The following KIAA0825 variants were observed in gnomAD, a reference collection of about 807,000 sequenced individuals.
KIAA0825 encodes the protein KIAA0825.
Under a neutral mutation model 147.6 loss-of-function variants are expected in KIAA0825, and 119 were observed. That is an observed-to-expected ratio of 0.81 (90% CI 0.69 to 0.94). KIAA0825 has a LOEUF of 0.94. Among genes scored for constraint, KIAA0825 ranks in the 40% least tolerant of loss-of-function variants. The probability of loss-of-function intolerance (pLI) is 0.00; values close to 1 mark genes in which losing one functional copy is unlikely to be tolerated. For synonymous variants in KIAA0825, 470 were observed against 518.1 expected, an observed-to-expected ratio of 0.91 and a Z score of 1.26; for missense variants, 1,381 against 1,472.7, an observed-to-expected ratio of 0.94 and a Z score of 1.02.
chr5:94,430,867 A>G (rs750758560), intron 14 of KIAA0825, among the ~76,000 whole-genome samples: 9 of 152,216 alleles, frequency 5.9e-5, no homozygotes, highest in Non-Finnish European at 1.3e-4. Context: ...CTCCCAAGCT[A>G]TATGCAAAGA....
At chr5:94,359,643 G>A (rs951948042) in intron 20 of KIAA0825, among the ~76,000 whole-genome samples, 1 of 152,162 alleles carries the variant, frequency 6.6e-6, no homozygotes, top group Non-Finnish European at 1.5e-5. Context: ...GCTGGACCAT[G>A]AGGCAGAGAC....
intron 20 of KIAA0825, among the ~76,000 whole-genome samples, chr5:94,349,949 G>A (rs1783456366): frequency 6.6e-6 from 1 of 152,048 alleles, no homozygotes; most frequent in Non-Finnish European, 1.5e-5. Flanking sequence ...AGAACTAAAT[G>A]AAACTGGAAC....
At chr5:94,560,882 G>A (rs1777439519) in intron 2 of KIAA0825, among the ~76,000 whole-genome samples, 1 of 152,154 alleles carries the variant, frequency 6.6e-6, no homozygotes, top group African/African-American at 2.4e-5. Context: ...ACACACATTT[G>A]GTTTTAACTC....
chr5:94,550,483 T>C lies in KIAA0825; in HGVS notation c.-1-13356A>G, dbSNP rs144756160. Reference sequence around the variant, plus strand: ...TCCATTAAATTGGAAGAGGCAACTATTACATCAGATGTGAAGAAATCAACA... The same window carrying C: ...TCCATTAAATTGGAAGAGGCAACTACTACATCAGATGTGAAGAAATCAACA... On this transcript the variant is annotated intron_variant, in intron 2 of 20. Coordinates refer to ENST00000682413, the MANE Select transcript of KIAA0825 (RefSeq NM_001145678.3). Among the ~76,000 whole-genome samples, 191 of 152,262 alleles carry C rather than the reference T, an allele frequency of 1.3e-3. 1 individual carries two copies. Among genetic ancestry groups the C allele is most frequent in the African/African-American group, 4.5e-3 (185 of 41,512 alleles).
intron 20 of KIAA0825, among the ~76,000 whole-genome samples, chr5:94,323,695 CTAAA>C (rs1780419927): frequency 6.6e-6 from 1 of 151,816 alleles, no homozygotes; most frequent in South Asian, 2.1e-4. Context: ...GAAAAAACAT[CTAAA>C]TATCTGTTTT....
intron 3 of KIAA0825, among the ~76,000 whole-genome samples, chr5:94,533,658 T>C (rs961801316): frequency 1.4e-4 from 21 of 152,230 alleles, no homozygotes; most frequent in African/African-American, 5.1e-4. Flanking sequence ...AGTTCATTAG[T>C]GCTATATGCA....
At chr5:94,370,678 G>A (rs1188659575) in intron 20 of KIAA0825, among the ~76,000 whole-genome samples, 11 of 151,964 alleles carry the variant, frequency 7.2e-5, no homozygotes, top group African/African-American at 2.2e-4. Context: ...AGGCCGAGGC[G>A]GGCAGATCAC....
At chr5:94,289,046 C>T (rs932791568) in intron 20 of KIAA0825, among the ~76,000 whole-genome samples, 7 of 152,088 alleles carry the variant, frequency 4.6e-5, no homozygotes, top group African/African-American at 1.7e-4. Context: ...AATTTAAGGC[C>T]CAAGTACTTT....
At chr5:94,439,092 GACA>G (rs1210540398) in intron 14 of KIAA0825, among the ~76,000 whole-genome samples, 1 of 152,130 alleles carries the variant, frequency 6.6e-6, no homozygotes, top group African/African-American at 2.4e-5. Context: ...GGGCTTTGGG[GACA>G]ACAACTGTTA....
intron 20 of KIAA0825, among the ~76,000 whole-genome samples, chr5:94,314,880 G>A (rs1335487146): frequency 6.6e-6 from 1 of 151,466 alleles, no homozygotes; most frequent in Non-Finnish European, 1.5e-5. Context: ...ACCCCCTTCA[G>A]CTTCTGTTCT....
At chr5:94,427,876 C>G (rs964169557) in intron 14 of KIAA0825, among the ~76,000 whole-genome samples, 1 of 152,020 alleles carries the variant, frequency 6.6e-6, no homozygotes, top group African/African-American at 2.4e-5. Flanking sequence ...GTTTTGTGAA[C>G]CTGGGTGCTC....
At chr5:94,472,747 A>AAAAAC (rs1195034223) in intron 8 of KIAA0825, among the ~76,000 whole-genome samples, 1 of 152,148 alleles carries the variant, frequency 6.6e-6, no homozygotes, top group East Asian at 1.9e-4. Context: ...CCCGTCTCAA[A>AAAAAC]AAAACAAAAC....
intron 15 of KIAA0825, chr5:94,414,862 C>A (rs987741681): frequency 3.9e-5 from 6 of 152,172 alleles, no homozygotes; most frequent in Non-Finnish European, 4.4e-5. Context: ...GAGCACAAAT[C>A]CTATTGTGAA....
intron 2 of KIAA0825, among the ~76,000 whole-genome samples, chr5:94,571,909 C>A (rs1024222509): frequency 7.2e-5 from 11 of 151,812 alleles, no homozygotes; most frequent in African/African-American, 2.7e-4. Flanking sequence ...AGTTTTATAC[C>A]ATATGATACA....
chr5:94,386,198 A>G (rs755922850), intron 19 of KIAA0825, 44 bp downstream of exon 19: 1 of 1,504,322 alleles, frequency 6.6e-7, no homozygotes, highest in South Asian at 1.3e-5. Context: ...TTACTTGGGT[A>G]AAGAAACCAC....
chr5:94,548,159 T>C (rs1408422512), intron 2 of KIAA0825, among the ~76,000 whole-genome samples: 1 of 152,188 alleles, frequency 6.6e-6, no homozygotes, highest in Non-Finnish European at 1.5e-5. Context: ...ATTACTCATA[T>C]CTTAAATAGA....
chr5:94,296,027 C>T (rs1437878178), intron 20 of KIAA0825, among the ~76,000 whole-genome samples: 2 of 152,134 alleles, frequency 1.3e-5, no homozygotes, highest in African/African-American at 4.8e-5. Context: ...CGCCCAAAGC[C>T]TCTGCTTCAG....
chr5:94,357,913 T>TAA (rs797020446), intron 20 of KIAA0825, among the ~76,000 whole-genome samples: 6 of 138,304 alleles, frequency 4.3e-5, no homozygotes, highest in African/African-American at 1.6e-4. Flanking sequence ...AGAGTAACAT[T>TAA]AAAAAAAAAA....
chr5:94,450,541 C>T (rs187542166), intron 13 of KIAA0825, among the ~76,000 whole-genome samples: 84 of 151,988 alleles, frequency 5.5e-4, no homozygotes, highest in African/African-American at 2.0e-3. Context: ...GGCCATCTTG[C>T]TGCATCCTCA....
Sources: allele counts gnomAD v4.1 joint callset (sites outside exome capture counted in the v4.1 genomes callset), GRCh38; gene constraint gnomAD v4.1.1; transcripts MANE v1.5; gene names NCBI Gene and HGNC (gene_info 2026-07-23, HGNC 2026-07-21).